The following PEX5L variants were observed in gnomAD, a reference collection of about 807,000 sequenced individuals.
PEX5L encodes the protein PEX5-related protein.
Under a neutral mutation model 84.0 loss-of-function variants are expected in PEX5L, and 30 were observed. The observed-to-expected ratio is 0.36, with a 90% confidence interval of 0.27 to 0.48. The LOEUF (loss-of-function observed/expected upper bound fraction) is 0.48, where lower values mean the gene tolerates loss of function less well. Among genes scored for constraint, PEX5L ranks in the 20% least tolerant of loss-of-function variants. PEX5L has a pLI of 0.99. For missense variants in PEX5L, 533 were observed against 754.6 expected, an observed-to-expected ratio of 0.71 and a Z score of 3.44; for synonymous variants, 270 against 283.1, an observed-to-expected ratio of 0.95 and a Z score of 0.46.
At chr3:179,894,932 A>G (rs1328512073) in intron 3 of PEX5L, among the ~76,000 whole-genome samples, 1 of 152,118 alleles carries the variant, frequency 6.6e-6, no homozygotes, top group Non-Finnish European at 1.5e-5. Flanking sequence ...AGTATTCACT[A>G]AAGTCATTTC....
chr3:179,805,130 C>T (rs1047777628), intron 14 of PEX5L, among the ~76,000 whole-genome samples: 2 of 144,748 alleles, frequency 1.4e-5, no homozygotes, highest in Admixed American at 1.4e-4. Flanking sequence ...AAAAAAATTA[C>T]GTCTCACTCG....
chr3:179,971,340 A>G (rs1784688554), intron 2 of PEX5L, among the ~76,000 whole-genome samples: 1 of 152,114 alleles, frequency 6.6e-6, no homozygotes, highest in Admixed American at 6.6e-5. Context: ...AGATGCCTTT[A>G]ATTTTCCAAA....
At chr3:179,814,536 T>TA (rs1420207746) in intron 10 of PEX5L, among the ~76,000 whole-genome samples, 1 of 152,210 alleles carries the variant, frequency 6.6e-6, no homozygotes, top group Admixed American at 6.5e-5. Flanking sequence ...CCAGTATATA[T>TA]ACCGGTCGCT....
At chr3:179,959,889 A>T (rs1781584215) in intron 2 of PEX5L, among the ~76,000 whole-genome samples, 1 of 152,212 alleles carries the variant, frequency 6.6e-6, no homozygotes, top group Admixed American at 6.5e-5. Flanking sequence ...GTATTACTGT[A>T]CTCAGTGTAA....
intron 1 of PEX5L, among the ~76,000 whole-genome samples, chr3:180,003,710 A>T (rs1326783959): frequency 6.6e-6 from 1 of 152,158 alleles, no homozygotes. Context: ...CATGAGTTTA[A>T]TCTAAATTTT....
intron 1 of PEX5L, among the ~76,000 whole-genome samples, chr3:180,014,096 G>A (rs547083683): frequency 1.4e-4 from 22 of 152,300 alleles, no homozygotes; most frequent in African/African-American, 5.3e-4. Flanking sequence ...AAAGCAGAAT[G>A]AAAATTAATG....
rs73883470 is a variant in PEX5L at position 180,023,622 on chromosome 3, G to A, written c.21+12957C>T. ...GGCCTGATAATAATAGAATCCTAGA[G>A]CTGGAAGGAAAGCCAGTAAGCCTTT... On this transcript the variant is annotated intron_variant, in intron 1 of 14. Coordinates refer to ENST00000467460, the MANE Select transcript of PEX5L (RefSeq NM_016559.3). 5.8e-3 allele frequency among the ~76,000 whole-genome samples: 878 copies of A among 152,254 alleles called. 9 individuals carry two copies. Among genetic ancestry groups the A allele is most frequent in the African/African-American group, 0.02 (841 of 41,556 alleles).
intron 2 of PEX5L, among the ~76,000 whole-genome samples, chr3:179,969,319 T>C (rs1386169883): frequency 6.6e-6 from 1 of 152,068 alleles, no homozygotes; most frequent in African/African-American, 2.4e-5. Context: ...TAAAGATTCC[T>C]GACAAAATGG....
At chr3:179,943,676 G>T (rs1776755437) in intron 2 of PEX5L, among the ~76,000 whole-genome samples, 1 of 152,210 alleles carries the variant, frequency 6.6e-6, no homozygotes, top group Admixed American at 6.5e-5. Flanking sequence ...CAGAGGCGGT[G>T]AGCACTAAGC....
intron 1 of PEX5L, among the ~76,000 whole-genome samples, chr3:180,017,030 T>C (rs900909962): frequency 2.0e-5 from 3 of 152,360 alleles, no homozygotes; most frequent in Non-Finnish European, 4.4e-5. Flanking sequence ...TATATTTTCA[T>C]GATGAAATTT....
intron 1 of PEX5L, among the ~76,000 whole-genome samples, chr3:180,035,867 C>G (rs36086268): frequency 0.22 from 32,940 of 152,138 alleles, 4,602 homozygotes; most frequent in Non-Finnish European, 0.31. Flanking sequence ...ACCAACCAAC[C>G]GTATGAATGA....
chr3:179,815,990 G>A lies in PEX5L; in HGVS notation c.954C>T (p.His318=). The A allele has an allele frequency of 2.5e-6, 4 of 1,614,128 alleles. No individual in the cohort carries two copies. Among genetic ancestry groups the A allele is most frequent in the Non-Finnish European group, 2.5e-6 (3 of 1,180,014 alleles). Reference sequence around the variant, plus strand: ...GCCAGTCCTTGAAGGGGTTTTCAGTGTGAAAGTAATATCCCTGCAACACAG... The same window carrying A: ...GCCAGTCCTTGAAGGGGTTTTCAGTATGAAAGTAATATCCCTGCAACACAG... The part of the protein sequence containing the change: ...ISASEKGYYF[H]TENPFKDWPG... The change falls in exon 10 of 15, where the codon CAC becomes CAT. Residue 318 remains histidine (H), a synonymous_variant. Transcript: ENST00000467460.
chr3:180,006,366 A>T (rs1293275130), intron 1 of PEX5L, among the ~76,000 whole-genome samples: 1 of 151,232 alleles, frequency 6.6e-6, no homozygotes, highest in African/African-American at 2.4e-5. Context: ...AGTTTTCATT[A>T]TTTTTTTTTC....
intron 1 of PEX5L, among the ~76,000 whole-genome samples, chr3:180,018,694 GAC>G (rs926741383): frequency 4.3e-4 from 65 of 152,226 alleles, no homozygotes; most frequent in African/African-American, 1.5e-3. Flanking sequence ...AATGAAAAAT[GAC>G]ACACACGAAT....
intron 3 of PEX5L, among the ~76,000 whole-genome samples, chr3:179,897,234 TTCATATAATCGGAACTGAA>T (rs1294267808): frequency 6.6e-6 from 1 of 152,128 alleles, no homozygotes; most frequent in Non-Finnish European, 1.5e-5. Flanking sequence ...TCTAGGCATG[TTCATATAATCGGAACTGAA>T]TCATATAATC....
chr3:179,866,427 GACAAATT>G (rs2108612154), intron 7 of PEX5L, among the ~76,000 whole-genome samples: 1 of 152,242 alleles, frequency 6.6e-6, no homozygotes, highest in East Asian at 1.9e-4. Flanking sequence ...GGTGACCTTG[GACAAATT>G]ACTTAAACTA....
chr3:179,813,329 T>C lies in PEX5L; in HGVS notation c.1084-1458A>G, dbSNP rs1441545515. Among the ~76,000 whole-genome samples the C allele has an allele frequency of 1.3e-5, 2 of 152,282 alleles. 1 individual carries two copies. The highest frequency in any genetic ancestry group is 4.8e-5 in the African/African-American group (2 of 41,570). On this transcript the variant is annotated intron_variant, in intron 10 of 14. Coordinates refer to ENST00000467460, the MANE Select transcript of PEX5L (RefSeq NM_016559.3). ...CTTATTTATGAATCTGAGATCGTAA[T>C]ATGTCCTTAAAAAAATCTTCCAGGG...
chr3:179,908,951 T>A (rs191617765), intron 2 of PEX5L, among the ~76,000 whole-genome samples: 2 of 152,314 alleles, frequency 1.3e-5, no homozygotes, highest in African/African-American at 2.4e-5. Context: ...GAGAATTACA[T>A]GAAATAGTAC....
chr3:180,013,059 C>T (rs1466845541), intron 1 of PEX5L, among the ~76,000 whole-genome samples: 2 of 152,122 alleles, frequency 1.3e-5, no homozygotes, highest in Non-Finnish European at 2.9e-5. Context: ...AGCAGTATTT[C>T]TTTCTGGATT....
Sources: allele counts gnomAD v4.1 joint callset (sites outside exome capture counted in the v4.1 genomes callset), GRCh38; gene constraint gnomAD v4.1.1; transcripts MANE v1.5; gene names NCBI Gene and HGNC (gene_info 2026-07-23, HGNC 2026-07-21).